The following HERC4 variants were observed in gnomAD, a reference collection of about 807,000 sequenced individuals.
HERC4 encodes probable E3 ubiquitin-protein ligase HERC4.
HERC4 carries 28 observed loss-of-function variants against 124.3 expected under a neutral mutation model. The observed-to-expected ratio is 0.23, with a 90% CI of 0.17 to 0.31. HERC4 has a LOEUF of 0.31. HERC4 is among the 10% of genes least tolerant of loss of function. The pLI, the probability that HERC4 is intolerant of heterozygous loss-of-function variation, is 1.00. For synonymous variants in HERC4, 407 were observed against 421.5 expected (o/e 0.97, Z 0.42); for missense variants, 713 against 1,229.3 (o/e 0.58, Z 6.28).
intron 3 of HERC4, among the ~76,000 whole-genome samples, chr10:68,061,593 A>G (rs1170473099): frequency 6.6e-6 from 1 of 150,722 alleles, no homozygotes; most frequent in Non-Finnish European, 1.5e-5. Flanking sequence ...AGAATAAGCA[A>G]ATGGGCTGGG....
In HERC4 at chr10:67,990,335, T is replaced by A. The variant is rs761289844; in HGVS notation, c.1509A>T (p.Ala503=). 6.2e-7 allele frequency: 1 copy of A among 1,612,314 alleles called. No individual in the cohort carries two copies. Among genetic ancestry groups the A allele is most frequent in the South Asian group, 1.1e-5 (1 of 90,724 alleles). ...CTGGTAGAGTAAGATAAAACCTCAATGCTTCAACATCAGGTAAGGAGCTAG... is the reference window on the plus strand; with the variant it reads ...CTGGTAGAGTAAGATAAAACCTCAAAGCTTCAACATCAGGTAAGGAGCTAG... The part of the protein sequence containing the change: ...KLTSSLPDVE[A]LRFYLTLPEC... Residue 503 remains alanine (A), a synonymous_variant, in exon 14 of 25, where the codon GCA becomes GCT. Transcript: ENST00000373700.
intron 17 of HERC4, 69 bp downstream of exon 17, chr10:67,956,809 C>CA: frequency 9.5e-7 from 1 of 1,056,344 alleles, no homozygotes; most frequent in Non-Finnish European, 1.4e-6. Context: ...AGGAAAATTT[C>CA]AAATATTTAC....
intron 23 of HERC4, 65 bp downstream of exon 23, chr10:67,932,532 A>G: frequency 2.8e-6 from 4 of 1,430,850 alleles, no homozygotes; most frequent in Non-Finnish European, 3.8e-6. Flanking sequence ...ATAATACATA[A>G]AAAGGCAAGA....
At chr10:68,011,598 C>A (rs541458896) in intron 9 of HERC4, among the ~76,000 whole-genome samples, 1 of 152,144 alleles carries the variant, frequency 6.6e-6, no homozygotes, top group African/African-American at 2.4e-5. Context: ...TTTTACTGAG[C>A]GGTGGGTCTC....
At chr10:68,003,323 G>A (rs2132966948) in intron 9 of HERC4, among the ~76,000 whole-genome samples, 1 of 128,704 alleles carries the variant, frequency 7.8e-6, no homozygotes, top group East Asian at 2.2e-4. Context: ...CACCATGCCT[G>A]ACTAATTTTT....
chr10:67,949,216 G>A lies in HERC4; in HGVS notation c.2337+5379C>T, dbSNP rs554692560. Among the ~76,000 whole-genome samples the A allele has an allele frequency of 8.6e-5, 13 of 151,308 alleles. No homozygotes were observed. In the South Asian group the frequency reaches 1.5e-3, roughly 17 times the overall value. ...GGAGAATCGCTTGAACCCAGGAGGC[G>A]GAGGTTGCAGTGAGCTGAGATCGTG... On this transcript the variant is annotated intron_variant, in intron 19 of 24. Coordinates refer to ENST00000373700, the MANE Select transcript of HERC4 (RefSeq NM_015601.4).
chr10:67,927,430 A>ATATATTTT (rs1564911511), intron 23 of HERC4, among the ~76,000 whole-genome samples: 4 of 37,882 alleles, frequency 1.1e-4, no homozygotes, highest in South Asian at 1.0e-3. Context: ...ATATATATAT[A>ATATATTTT]TTTTTTTTTT....
intron 3 of HERC4, among the ~76,000 whole-genome samples, chr10:68,058,185 A>G (rs1412268268): frequency 1.3e-5 from 2 of 152,206 alleles, no homozygotes; most frequent in Non-Finnish European, 2.9e-5. Flanking sequence ...GCTCCAATAA[A>G]GCATTACCTC....
intron 5 of HERC4, among the ~76,000 whole-genome samples, chr10:68,035,131 G>T (rs904177011): frequency 6.6e-6 from 1 of 150,456 alleles, no homozygotes; most frequent in Non-Finnish European, 1.5e-5. Flanking sequence ...CAGAATCCTG[G>T]TTCCTCTTTC....
intron 19 of HERC4, among the ~76,000 whole-genome samples, chr10:67,945,630 A>G (rs2033262040): frequency 6.6e-6 from 1 of 152,224 alleles, no homozygotes; most frequent in South Asian, 2.1e-4. Flanking sequence ...ATAAAAAATA[A>G]TAACTACAGC....
intron 9 of HERC4, among the ~76,000 whole-genome samples, chr10:67,999,400 G>A (rs371721659): frequency 4.1e-4 from 63 of 152,292 alleles, no homozygotes; most frequent in African/African-American, 1.5e-3. Context: ...ATGCTTGCCT[G>A]AAGACTCTCC....
At chr10:67,971,921 G>A (rs989422505) in intron 15 of HERC4, among the ~76,000 whole-genome samples, 1 of 152,094 alleles carries the variant, frequency 6.6e-6, no homozygotes, top group Non-Finnish European at 1.5e-5. Context: ...AAACTCAATT[G>A]ATTTTCTCTA....
At chr10:68,035,277 T>C (rs2039402841) in intron 5 of HERC4, among the ~76,000 whole-genome samples, 1 of 152,008 alleles carries the variant, frequency 6.6e-6, no homozygotes, top group African/African-American at 2.4e-5. Context: ...CTCAGCCTTC[T>C]GAGTAGCTGG....
In HERC4 at chr10:68,073,056, T is replaced by C; in HGVS notation, c.53A>G (p.Asp18Gly). The C allele has an allele frequency of 6.2e-7, 1 of 1,614,004 alleles. No individual in the cohort carries two copies. The highest frequency in any genetic ancestry group is 8.5e-7 in the Non-Finnish European group (1 of 1,179,952). Residue 18 changes from aspartate to glycine, a missense_variant, in exon 3 of 25, where the codon GAT (aspartate) becomes GGT (glycine). Coordinates refer to ENST00000373700, the MANE Select transcript of HERC4 (RefSeq NM_015601.4). ...SFGQLGLGGI[D>G]EEIVLEPRKS... is the part of the protein sequence containing the mutation. ...TCTGGGCTCTAGTACAATTTCTTCA[T>C]CAATTCCACCCAAACCTAGCTGCCC...
intron 3 of HERC4, among the ~76,000 whole-genome samples, chr10:68,058,425 T>A (rs1186309692): frequency 6.6e-6 from 1 of 152,198 alleles, no homozygotes; most frequent in African/African-American, 2.4e-5. Flanking sequence ...ATAGTTTCCC[T>A]ACAGGACAAT....
intron 3 of HERC4, among the ~76,000 whole-genome samples, chr10:68,058,863 A>G (rs2040685785): frequency 6.6e-6 from 1 of 152,170 alleles, no homozygotes; most frequent in Admixed American, 6.5e-5. Context: ...TGAATGGGTA[A>G]CATATTTACA....
In HERC4 at chr10:68,029,694, A is replaced by G. The variant is rs995228441; in HGVS notation, c.777+3084T>C. Among the ~76,000 whole-genome samples, 5 of 147,532 alleles carry G rather than the reference A, an allele frequency of 3.4e-5. No homozygotes were observed. In the East Asian group the frequency reaches 9.8e-4, roughly 29 times the overall value. ...TATATAATTTTTATATATTATATAT[A>G]TTTTTATTTATATAATTTACATATA... On this transcript the variant is annotated intron_variant, in intron 7 of 24. Coordinates refer to ENST00000373700, the MANE Select transcript of HERC4 (RefSeq NM_015601.4).
chr10:68,017,896 G>A lies in HERC4; in HGVS notation c.909-3710C>T, dbSNP rs574048889. Among the ~76,000 whole-genome samples the A allele has an allele frequency of 3.9e-5, 6 of 152,292 alleles. No individual in the cohort carries two copies. The South Asian group carries it at 1.2e-3, about 32-fold the overall frequency. ...TAAAAGCTATCTCATAGCCACTAAA[G>A]AAATTGAAGAATGTTTTTTAAATTC... On this transcript the variant is annotated intron_variant, in intron 8 of 24. Coordinates refer to ENST00000373700, the MANE Select transcript of HERC4 (RefSeq NM_015601.4).
intron 15 of HERC4, among the ~76,000 whole-genome samples, chr10:67,981,137 T>C (rs886346384): frequency 6.6e-6 from 1 of 152,172 alleles, no homozygotes; most frequent in African/African-American, 2.4e-5. Context: ...AAATGACCTG[T>C]TGCCTACAAG....
Sources: gnomAD v4.1 joint callset for allele counts (sites outside exome capture counted in the v4.1 genomes callset) on GRCh38, gnomAD v4.1.1 for gene constraint, MANE v1.5 for transcripts, NCBI Gene and HGNC (gene_info 2026-07-23, HGNC 2026-07-21) for gene names.